ANAPC10: variants seen among roughly 807,000 people sequenced by gnomAD.
The protein encoded by ANAPC10 is anaphase promoting complex subunit 10, also known as anaphase-promoting complex subunit 10.
Under a neutral mutation model 22.0 loss-of-function variants are expected in ANAPC10, and 12 were observed. The ratio of observed to expected loss-of-function variants is 0.55; its 90% CI spans 0.35 to 0.88. The LOEUF is 0.88. Ranked by LOEUF, ANAPC10 falls within the 40% of genes least tolerant of loss-of-function variation. The pLI, the probability that ANAPC10 is intolerant of heterozygous loss-of-function variation, is 0.01. For synonymous variants in ANAPC10, 65 were observed against 69.5 expected (o/e 0.94, Z 0.32); for missense variants, 188 against 220.9 (o/e 0.85, Z 0.94).
At chr4:145,091,723 T>C (rs575517370) in intron 2 of ANAPC10, among the ~76,000 whole-genome samples, 47 of 152,294 alleles carry the variant, frequency 3.1e-4, no homozygotes, top group African/African-American at 1.1e-3. Flanking sequence ...AGTGATGGGA[T>C]TGCTGAGTCA....
intron 4 of ANAPC10, among the ~76,000 whole-genome samples, chr4:145,034,743 G>A (rs1738247279): frequency 6.6e-6 from 1 of 151,768 alleles, no homozygotes; most frequent in Non-Finnish European, 1.5e-5. Flanking sequence ...CAGGGGACAG[G>A]GAAGGAAGGC....
At chr4:145,077,079 G>A (rs1305632574) in intron 3 of ANAPC10, among the ~76,000 whole-genome samples, 1 of 152,080 alleles carries the variant, frequency 6.6e-6, no homozygotes, top group Non-Finnish European at 1.5e-5. Context: ...GGCACCTGTA[G>A]TCCCAGCTAC....
At chr4:145,078,908 T>C (rs1745568661) in intron 3 of ANAPC10, among the ~76,000 whole-genome samples, 1 of 152,084 alleles carries the variant, frequency 6.6e-6, no homozygotes, top group African/African-American at 2.4e-5. Flanking sequence ...ATGTAAAACC[T>C]ACAACTATAA....
At chr4:145,060,212 TA>T in intron 4 of ANAPC10, among the ~76,000 whole-genome samples, 1 of 152,230 alleles carries the variant, frequency 6.6e-6, no homozygotes, top group South Asian at 2.1e-4. Context: ...GAAGCATAAA[TA>T]ATTTCAATTT....
intron 4 of ANAPC10, among the ~76,000 whole-genome samples, chr4:145,061,064 T>C (rs1297229554): frequency 6.6e-6 from 1 of 152,160 alleles, no homozygotes; most frequent in East Asian, 1.9e-4. Context: ...AGTATGTTCA[T>C]TAAGTTTTCC....
chr4:145,082,331 T>G (rs1045189193), intron 2 of ANAPC10, among the ~76,000 whole-genome samples: 1 of 152,156 alleles, frequency 6.6e-6, no homozygotes, highest in African/African-American at 2.4e-5. Flanking sequence ...ATATTTTTAG[T>G]AGAGAAGGCG....
intron 4 of ANAPC10, among the ~76,000 whole-genome samples, chr4:145,029,048 G>A (rs1432479886): frequency 2.0e-5 from 3 of 152,074 alleles, no homozygotes; most frequent in Admixed American, 6.6e-5. Flanking sequence ...GTACAGCCTC[G>A]CCAGGTGTCT....
chr4:145,010,519 T>C (rs977703588), intron 4 of ANAPC10, among the ~76,000 whole-genome samples: 1 of 152,166 alleles, frequency 6.6e-6, no homozygotes, highest in African/African-American at 2.4e-5. Context: ...TCTTGTCCTT[T>C]GTAGGGACAT....
intron 4 of ANAPC10, among the ~76,000 whole-genome samples, chr4:145,003,114 T>A (rs1048347432): frequency 6.6e-6 from 1 of 152,154 alleles, no homozygotes; most frequent in Non-Finnish European, 1.5e-5. Flanking sequence ...GATCATGCAG[T>A]ATATGGTTTT....
chr4:145,040,112 T>C (rs1739278017), intron 4 of ANAPC10, among the ~76,000 whole-genome samples: 1 of 126,536 alleles, frequency 7.9e-6, no homozygotes, highest in African/African-American at 2.9e-5. Context: ...TGTATGCTTT[T>C]GTTTTAGTGT....
intron 2 of ANAPC10, among the ~76,000 whole-genome samples, chr4:145,086,168 G>A (rs1164292471): frequency 1.3e-5 from 2 of 152,078 alleles, no homozygotes; most frequent in Admixed American, 6.5e-5. Context: ...TCACCATGTC[G>A]GCCAGATTGG....
chr4:145,094,449 C>T (rs1424140809), intron 2 of ANAPC10, among the ~76,000 whole-genome samples: 2 of 152,086 alleles, frequency 1.3e-5, no homozygotes, highest in African/African-American at 2.4e-5. Flanking sequence ...CAGAACTGTA[C>T]ACCTAAAAAG....
chr4:145,003,229 T>C (rs1578867548), intron 4 of ANAPC10, among the ~76,000 whole-genome samples: 3 of 152,296 alleles, frequency 2.0e-5, no homozygotes. Flanking sequence ...TATTCCATTA[T>C]GTGAAATTTG....
intron 4 of ANAPC10, among the ~76,000 whole-genome samples, chr4:145,039,830 G>T (rs1404710495): frequency 6.6e-6 from 1 of 152,056 alleles, no homozygotes; most frequent in African/African-American, 2.4e-5. Flanking sequence ...TCTTGACCTT[G>T]TGATCTGCCT....
rs753215088 is a variant in ANAPC10, at chr4:144,994,657, C to T, written c.*716G>A. ...GGGATATATGACTGCCCAGGGAATG[C>T]TACAATGTCAGACACAAATTTGAAA... is the stretch of plus-strand genomic sequence containing the variant. On this transcript the variant is annotated 3_prime_UTR_variant, in exon 5 of 5. Coordinates refer to ENST00000507656, the MANE Select transcript of ANAPC10 (RefSeq NM_001256706.2). 2.6e-5 allele frequency: 4 copies of T among 151,954 alleles called. No homozygotes were observed. The highest frequency in any genetic ancestry group is 5.9e-5 in the Non-Finnish European group (4 of 67,882). 9.4% of individuals were successfully genotyped at this position (151,954 alleles called of 1,614,324 possible).
intron 4 of ANAPC10, among the ~76,000 whole-genome samples, chr4:145,011,111 C>CT (rs1199014997): frequency 6.6e-6 from 1 of 151,892 alleles, no homozygotes; most frequent in African/African-American, 2.4e-5. Flanking sequence ...GCAAGTGGAT[C>CT]ACCCGAGGTC....
At chr4:145,012,351 G>A (rs1734479716) in intron 4 of ANAPC10, among the ~76,000 whole-genome samples, 1 of 151,752 alleles carries the variant, frequency 6.6e-6, no homozygotes, top group African/African-American at 2.4e-5. Context: ...ATATTTTAAA[G>A]TGTAAAAAAG....
At chr4:145,046,900 C>T (rs1740389117) in intron 4 of ANAPC10, among the ~76,000 whole-genome samples, 1 of 152,094 alleles carries the variant, frequency 6.6e-6, no homozygotes. Flanking sequence ...ACACATTTAT[C>T]TAGCACTTTC....
chr4:145,034,496 G>GT (rs958203352), intron 4 of ANAPC10, among the ~76,000 whole-genome samples: 5 of 137,018 alleles, frequency 3.6e-5, no homozygotes, highest in African/African-American at 1.5e-4. Flanking sequence ...TTGTGATTCT[G>GT]TAAGTTAACA....
Sources: gnomAD v4.1 joint callset for allele counts (sites outside exome capture counted in the v4.1 genomes callset) on GRCh38, gnomAD v4.1.1 for gene constraint, MANE v1.5 for transcripts, NCBI Gene and HGNC (gene_info 2026-07-23, HGNC 2026-07-21) for gene names.